LARGE1: variants seen among roughly 807,000 people sequenced by gnomAD.
The protein encoded by LARGE1 is xylosyl- and glucuronyltransferase LARGE1.
In LARGE1, 43 loss-of-function variants were observed where a neutral mutation model predicts 87.6. The observed-to-expected ratio is 0.49, with a 90% CI of 0.38 to 0.63. The LOEUF (loss-of-function observed/expected upper bound fraction) is 0.63. LARGE1 is among the 30% of genes least tolerant of loss of function. The pLI, the probability that LARGE1 is intolerant of heterozygous loss-of-function variation, is 0.00. For missense variants in LARGE1, 802 were observed against 1,000.2 expected (o/e 0.80, Z 2.67); for synonymous variants, 434 against 394.6 (o/e 1.10, Z -1.18).
intron 6 of LARGE1, among the ~76,000 whole-genome samples, chr22:33,515,018 T>C (rs541187290): frequency 1.3e-5 from 2 of 151,944 alleles, no homozygotes; most frequent in South Asian, 4.2e-4. Flanking sequence ...TATTTTGCTA[T>C]TGAAAATAAA....
chr22:33,604,705 T>C (rs2148980425), intron 4 of LARGE1, 147 bp from the exon 5 acceptor site: 3 of 1,096,442 alleles, frequency 2.7e-6, no homozygotes, highest in South Asian at 1.4e-5. Flanking sequence ...ACGAAAACAG[T>C]GCTCACTGGT....
intron 10 of LARGE1, among the ~76,000 whole-genome samples, chr22:33,330,010 C>CA (rs201941090): frequency 0.013 from 1,884 of 146,976 alleles, 21 homozygotes; most frequent in Middle Eastern, 0.038. Flanking sequence ...AACAGAACAA[C>CA]AAAAAAAAAC....
chr22:33,517,890 G>A (rs1032702362), intron 6 of LARGE1, among the ~76,000 whole-genome samples: 1 of 152,184 alleles, frequency 6.6e-6, no homozygotes, highest in African/African-American at 2.4e-5. Flanking sequence ...GCTTCATCTG[G>A]AAAAATCAGG....
intron 1 of LARGE1, among the ~76,000 whole-genome samples, chr22:33,840,697 G>T (rs543354301): frequency 8.6e-5 from 13 of 151,722 alleles, no homozygotes; most frequent in Admixed American, 1.3e-4. Flanking sequence ...CTGGGAAAGG[G>T]TCTCGCTCAG....
chr22:33,520,783 C>T (rs1160620090), intron 6 of LARGE1, among the ~76,000 whole-genome samples: 2 of 152,238 alleles, frequency 1.3e-5, no homozygotes, highest in South Asian at 2.1e-4. Context: ...GTGTGGGCCT[C>T]TCTTCCTTCA....
intron 2 of LARGE1, among the ~76,000 whole-genome samples, chr22:33,657,859 C>T (rs1205364581): frequency 1.3e-5 from 2 of 152,018 alleles, no homozygotes; most frequent in Non-Finnish European, 2.9e-5. Context: ...TCCTTGGGTG[C>T]TGTGTCTGCA....
At chr22:33,156,539 A>G in the LARGE1 span, among the ~76,000 whole-genome samples, 1 of 152,208 alleles carries the variant, frequency 6.6e-6, no homozygotes, top group East Asian at 1.9e-4. Flanking sequence ...CCCATTTGGA[A>G]TGGTTGTATT....
chr22:33,572,921 C>G (rs1383791532), intron 5 of LARGE1, among the ~76,000 whole-genome samples: 1 of 152,070 alleles, frequency 6.6e-6, no homozygotes, highest in Non-Finnish European at 1.5e-5. Context: ...AACACATAGT[C>G]TGGAGACTGA....
Position 33,363,998 on chromosome 22 carries a change from G to A in LARGE1, c.1131+17921C>T, listed in dbSNP as rs552829470. On this transcript the variant is annotated intron_variant, in intron 9 of 14. Transcript: ENST00000397394. Reference sequence around the variant, plus strand: ...CCCTCAGGGATGACCCAAGAACACCGTCTGTCCCACCAGGCCAATCTGGGT... The same window carrying A: ...CCCTCAGGGATGACCCAAGAACACCATCTGTCCCACCAGGCCAATCTGGGT... Among the ~76,000 whole-genome samples, 6 of 149,608 alleles carry A rather than the reference G, an allele frequency of 4.0e-5. 1 individual carries two copies. The highest frequency in any genetic ancestry group is 6.0e-5 in the Non-Finnish European group (4 of 67,086).
chr22:33,876,123 C>T (rs532533744), intron 1 of LARGE1, among the ~76,000 whole-genome samples: 43 of 152,354 alleles, frequency 2.8e-4, no homozygotes, highest in Admixed American at 5.9e-4. Flanking sequence ...TCTATTCTCT[C>T]ACCATGAGAC....
intron 5 of LARGE1, among the ~76,000 whole-genome samples, chr22:33,586,847 G>T (rs2078691834): frequency 6.6e-6 from 1 of 152,204 alleles, no homozygotes; most frequent in South Asian, 2.1e-4. Flanking sequence ...TCACAGTCGA[G>T]AGAAAAATAT....
chr22:33,543,310 G>T (rs1306108748), intron 6 of LARGE1, among the ~76,000 whole-genome samples: 2 of 152,158 alleles, frequency 1.3e-5, no homozygotes, highest in African/African-American at 2.4e-5. Context: ...TAAAAGGGAA[G>T]ATCAAAGAGA....
At position 33,892,722 on chromosome 22, in the gene LARGE1, C is replaced by A. The variant is rs558743576; in HGVS notation, c.-83+27273G>T. 2.5e-3 allele frequency among the ~76,000 whole-genome samples: 380 copies of A among 152,170 alleles called. 2 individuals carry two copies. Among genetic ancestry groups the A allele is most frequent in the Non-Finnish European group, 3.8e-3 (258 of 67,984 alleles). ...ACTGTGAATTCTAAAGGTGGTACAA[C>A]AGTGGCACCCTCGTTAAATATTAGT... On this transcript the variant is annotated intron_variant, in intron 1 of 14. Coordinates refer to ENST00000397394, the MANE Select transcript of LARGE1 (RefSeq NM_133642.5).
intron 11 of LARGE1, among the ~76,000 whole-genome samples, chr22:33,230,936 C>T (rs930985341): frequency 3.9e-5 from 6 of 152,222 alleles, no homozygotes; most frequent in Non-Finnish European, 8.8e-5. Context: ...CTTTCGCCAT[C>T]GTGTCCTATT....
chr22:33,259,475 C>A (rs1457496604), intron 11 of LARGE1, among the ~76,000 whole-genome samples: 1 of 152,034 alleles, frequency 6.6e-6, no homozygotes, highest in Non-Finnish European at 1.5e-5. Context: ...CATTTCTCTG[C>A]AAGCCTGATT....
At chr22:33,374,681 TTTGTGAA>T (rs1159998565) in intron 9 of LARGE1, among the ~76,000 whole-genome samples, 2 of 152,204 alleles carry the variant, frequency 1.3e-5, no homozygotes, top group African/African-American at 4.8e-5. Context: ...TTAGTCTTAT[TTTGTGAA>T]CTGCATGCTA....
chr22:33,469,012 CTAT>C (rs1420676887), intron 6 of LARGE1, among the ~76,000 whole-genome samples: 1 of 152,102 alleles, frequency 6.6e-6, no homozygotes, highest in African/African-American at 2.4e-5. Context: ...GTCAAAAGGG[CTAT>C]TATTAAAAAG....
At chr22:33,757,483 T>C (rs2084561268) in intron 2 of LARGE1, among the ~76,000 whole-genome samples, 1 of 152,100 alleles carries the variant, frequency 6.6e-6, no homozygotes, top group Non-Finnish European at 1.5e-5. Flanking sequence ...GTGCCCCAGA[T>C]CATCCAGCTC....
rs376197507 is a variant in LARGE1, at chr22:33,569,315, CCT to C, written c.616-4298_616-4297del. ...GGGTTAAGCTGTCTAATTAGATTGC[CCT>C]GACTCTCCGTTTTATTTTTAACACA... is the stretch of plus-strand genomic sequence containing the variant. On this transcript the variant is annotated intron_variant, in intron 5 of 14. Coordinates refer to ENST00000397394, the MANE Select transcript of LARGE1 (RefSeq NM_133642.5). 5.4e-4 allele frequency among the ~76,000 whole-genome samples: 82 copies of C among 152,270 alleles called. 1 individual carries two copies. The highest frequency in any genetic ancestry group is 1.9e-3 in the African/African-American group (77 of 41,566).
Sources: allele counts gnomAD v4.1 joint callset (sites outside exome capture counted in the v4.1 genomes callset), GRCh38; gene constraint gnomAD v4.1.1; transcripts MANE v1.5; gene names NCBI Gene and HGNC (gene_info 2026-07-23, HGNC 2026-07-21).